The following PTGR1 variants were observed in gnomAD, a reference collection of about 807,000 sequenced individuals.
PTGR1 encodes prostaglandin reductase 1.
PTGR1 carries 23 observed loss-of-function variants against 37.7 expected under a neutral mutation model. The ratio of observed to expected loss-of-function variants is 0.61; its 90% CI spans 0.44 to 0.86. The LOEUF (loss-of-function observed/expected upper bound fraction) is 0.86, where lower values mean the gene tolerates loss of function less well. Ranked by LOEUF, PTGR1 falls within the 40% of genes least tolerant of loss-of-function variation. The probability of loss-of-function intolerance (pLI) is 0.00; values close to 1 mark genes in which losing one functional copy is unlikely to be tolerated. For missense variants in PTGR1, 351 were observed against 394.3 expected, an observed-to-expected ratio of 0.89 and a Z score of 0.93; for synonymous variants, 134 against 140.0, an observed-to-expected ratio of 0.96 and a Z score of 0.30.
chr9:111,596,400 A>G (rs886237852), intron 2 of PTGR1, among the ~76,000 whole-genome samples: 51 of 151,708 alleles, frequency 3.4e-4, no homozygotes, highest in Non-Finnish European at 6.2e-4. Context: ...TGATCATCTA[A>G]GGTCAGGAGT....
At chr9:111,593,046 A>G in intron 3 of PTGR1, 64 bp from the exon 4 acceptor site, 1 of 1,525,432 alleles carries the variant, frequency 6.6e-7, no homozygotes. Flanking sequence ...TCCATTCTTA[A>G]TACATAGGAG....
Position 111,578,919 on chromosome 9 carries a change from A to C in PTGR1, c.528T>G (p.Asp176Glu), listed in dbSNP as rs1829175917. ...GCKVVGAVGS[D>E]EKVAYLQKLG... is the part of the protein sequence containing the mutation. ...GCTTTTGAAGGTAGGCAACCTTTTC[A>C]TCAGACCCTACTGCTCCAACAACTT... The change falls in exon 7 of 10, where the codon GAT becomes GAG. Residue 176 changes from aspartate (D) to glutamate (E), a missense_variant. Coordinates refer to ENST00000407693, the MANE Select transcript of PTGR1 (RefSeq NM_001146108.2). 6.2e-7 allele frequency: 1 copy of C among 1,612,028 alleles called. No individual in the cohort carries two copies. The highest frequency in any genetic ancestry group is 8.5e-7 in the Non-Finnish European group (1 of 1,179,472).
chr9:111,562,266 A>ACTT (rs1209695788), downstream of PTGR1, among the ~76,000 whole-genome samples: 1 of 149,214 alleles, frequency 6.7e-6, no homozygotes, highest in Non-Finnish European at 1.5e-5. Flanking sequence ...AAGGTCACAG[A>ACTT]AGCAGTAAAC....
intron 2 of PTGR1, among the ~76,000 whole-genome samples, chr9:111,594,905 A>G (rs1383143130): frequency 8.2e-6 from 1 of 122,350 alleles, no homozygotes; most frequent in Non-Finnish European, 1.6e-5. Flanking sequence ...CCCAGGCTGG[A>G]GTGCAGTGGC....
At chr9:111,593,720 G>A (rs546321347) in intron 3 of PTGR1, among the ~76,000 whole-genome samples, 27 of 152,166 alleles carry the variant, frequency 1.8e-4, no homozygotes, top group African/African-American at 6.5e-4. Context: ...CTAGGCTGGA[G>A]TGCGGTGGCA....
At chr9:111,555,743 G>A (rs1316862549) in intron 9 of PTGR1, among the ~76,000 whole-genome samples, 8 of 152,128 alleles carry the variant, frequency 5.3e-5, no homozygotes, top group Non-Finnish European at 1.2e-4. Flanking sequence ...GAGAACAACA[G>A]GAGGGAAATC....
chr9:111,556,302 T>C (rs1485975092), intron 9 of PTGR1, among the ~76,000 whole-genome samples: 1 of 152,252 alleles, frequency 6.6e-6, no homozygotes, highest in East Asian at 1.9e-4. Flanking sequence ...CCATGGCTGC[T>C]CTCAAGGCCT....
At chr9:111,566,204 A>AAAATAAAT (rs370786202) in intron 9 of PTGR1, among the ~76,000 whole-genome samples, 7 of 151,974 alleles carry the variant, frequency 4.6e-5, no homozygotes, top group East Asian at 1.9e-4. Flanking sequence ...CTCCATGTCA[A>AAAATAAAT]AAATAAATAA....
At chr9:111,589,237 A>G (rs1829531615) in intron 4 of PTGR1, 1 of 255,730 alleles carries the variant, frequency 3.9e-6, no homozygotes, top group South Asian at 1.5e-4. Context: ...GGGATATAAG[A>G]CAAAATGAAT....
chr9:111,586,803 C>A (rs10980954), intron 4 of PTGR1, among the ~76,000 whole-genome samples: 11,565 of 143,514 alleles, frequency 0.081, 530 homozygotes, highest in Non-Finnish European at 0.09. Flanking sequence ...CTCTCTCTCT[C>A]TATATATATA....
downstream of PTGR1, among the ~76,000 whole-genome samples, chr9:111,559,644 A>G (rs1323069266): frequency 7.0e-6 from 1 of 141,854 alleles, no homozygotes; most frequent in Non-Finnish European, 1.5e-5. Flanking sequence ...ACACACACAT[A>G]CAGCACACAC....
At chr9:111,553,313 C>G (rs1828026366) in intron 9 of PTGR1, among the ~76,000 whole-genome samples, 1 of 152,180 alleles carries the variant, frequency 6.6e-6, no homozygotes, top group Non-Finnish European at 1.5e-5. Flanking sequence ...GTACCAGCTT[C>G]TGTATCTGCA....
intron 9 of PTGR1, 95 bp from the exon 10 acceptor site, chr9:111,563,326 T>C: frequency 8.0e-7 from 1 of 1,243,058 alleles, no homozygotes; most frequent in Non-Finnish European, 1.1e-6. Flanking sequence ...GGTACATCAT[T>C]GGAAACCTTG....
At chr9:111,554,104 T>G (rs925595934) in intron 9 of PTGR1, among the ~76,000 whole-genome samples, 4 of 152,204 alleles carry the variant, frequency 2.6e-5, no homozygotes, top group Non-Finnish European at 5.9e-5. Context: ...CACACAGGCT[T>G]CCCAGGATAT....
rs766557774 is a variant in PTGR1, at chr9:111,578,832, T to C, written c.615A>G (p.Lys205=). 6.2e-7 allele frequency: 1 copy of C among 1,607,994 alleles called. No individual in the cohort carries two copies. Among genetic ancestry groups the C allele is most frequent in the East Asian group, 2.2e-5 (1 of 44,860 alleles). Residue 205 remains lysine, a synonymous_variant, in exon 7 of 10, where the codon AAA becomes AAG. Coordinates refer to ENST00000407693, the MANE Select transcript of PTGR1 (RefSeq NM_001146108.2). ...TVESLEETLK[K]ASPDGYDCYF... ...AACAATCATAACCATCAGGAGACGC[T>C]TTCTTCAAGGTTTCTTCCAAAGACT...
intron 4 of PTGR1, among the ~76,000 whole-genome samples, chr9:111,586,768 G>C (rs1318631363): frequency 1.3e-5 from 2 of 148,364 alleles, no homozygotes; most frequent in Non-Finnish European, 3.0e-5. Context: ...ATCATTGTCT[G>C]ATTTTACTTT....
chr9:111,584,412 GT>G (rs1311030481), intron 5 of PTGR1, among the ~76,000 whole-genome samples: 38 of 152,160 alleles, frequency 2.5e-4, no homozygotes, highest in Non-Finnish European at 4.1e-4. Flanking sequence ...TGCTGGAATT[GT>G]TTAGTGCCCA....
intron 9 of PTGR1, among the ~76,000 whole-genome samples, chr9:111,554,325 C>T (rs767994680): frequency 6.6e-6 from 1 of 152,302 alleles, no homozygotes; most frequent in Non-Finnish European, 1.5e-5. Flanking sequence ...TCTACTCTTC[C>T]GTTGCCCAGA....
At position 111,586,141 on chromosome 9, in the gene PTGR1, G is replaced by T; in HGVS notation, c.234C>A (p.Ala78=). The T allele has an allele frequency of 1.2e-6, 2 of 1,614,006 alleles. No homozygotes were observed. Among genetic ancestry groups the T allele is most frequent in the South Asian group, 2.2e-5 (2 of 91,052 alleles). The change falls in exon 5 of 10, where the codon GCC becomes GCA. Residue 78 remains alanine (A), a synonymous_variant. Coordinates refer to ENST00000407693, the MANE Select transcript of PTGR1 (RefSeq NM_001146108.2). ...CCAGTACAATAGTTCCTTTTGGTAG[G>T]GCTACATTTTTACTTTCCACAACTC... ...VAKVVESKNV[A]LPKGTIVLAS...
Sources: gnomAD v4.1 joint callset for allele counts (sites outside exome capture counted in the v4.1 genomes callset) on GRCh38, gnomAD v4.1.1 for gene constraint, MANE v1.5 for transcripts, NCBI Gene and HGNC (gene_info 2026-07-23, HGNC 2026-07-21) for gene names.